Variants in L3MBTL1 observed in about 807,000 individuals in gnomAD.
L3MBTL1 encodes the protein L3MBTL histone methyl-lysine binding protein 1.
L3MBTL1 carries 75 observed loss-of-function variants against 105.3 expected under a neutral mutation model. The ratio of observed to expected loss-of-function variants is 0.71; its 90% CI spans 0.59 to 0.86. The LOEUF (loss-of-function observed/expected upper bound fraction) is 0.86, where lower values mean the gene tolerates loss of function less well. Ranked by LOEUF, L3MBTL1 falls within the 40% of genes least tolerant of loss-of-function variation. The pLI is 0.00. For missense variants in L3MBTL1, 1,069 were observed against 1,126.4 expected (o/e 0.95, Z 0.73); for synonymous variants, 452 against 436.2 (o/e 1.04, Z -0.45).
In L3MBTL1 at chr20:43,513,596, C is replaced by T. The variant is rs939628717; in HGVS notation, c.93C>T (p.Pro31=). The T allele has an allele frequency of 2.6e-6, 4 of 1,550,608 alleles. No individual in the cohort carries two copies. Among genetic ancestry groups the T allele is most frequent in the Non-Finnish European group, 3.5e-6 (4 of 1,147,004 alleles). Residue 31 remains proline (P), a synonymous_variant, in exon 2 of 22, where the codon CCC becomes CCT. Coordinates refer to ENST00000418998, the MANE Select transcript of L3MBTL1 (RefSeq NM_001377303.1). ...VSMHLVAGDS[P]GSGPHLPATA... is the part of the protein sequence containing the mutation. ...TGCACTTGGTGGCCGGAGACAGCCC[C>T]GGTTCTGGTCCTCACCTGCCCGCAA...
intron 7 of L3MBTL1, among the ~76,000 whole-genome samples, chr20:43,517,972 T>C (rs189693440): frequency 1.3e-5 from 2 of 152,340 alleles, no homozygotes; most frequent in Non-Finnish European, 2.9e-5. Flanking sequence ...TCTTAAGACT[T>C]ATGCAGAGGA....
downstream of L3MBTL1, among the ~76,000 whole-genome samples, chr20:43,543,831 C>T (rs1978394240): frequency 6.6e-6 from 1 of 152,220 alleles, no homozygotes; most frequent in Non-Finnish European, 1.5e-5. Context: ...TAAAAGTAGT[C>T]TGTCCAGTCC....
At chr20:43,516,251 G>T in intron 7 of L3MBTL1, 74 bp downstream of exon 7, 1 of 1,098,584 alleles carries the variant, frequency 9.1e-7, no homozygotes, top group Non-Finnish European at 1.4e-6. Flanking sequence ...CTGAGAATGT[G>T]GGTTATGATT....
rs961903991 is a variant in L3MBTL1, at chr20:43,541,843, A to C, written c.*715A>C. Reference sequence around the variant, plus strand: ...ATATGTAGATCCAATCACTTTACCTATACAAAATGACTGCTATGGTGGGAA... The same window carrying C: ...ATATGTAGATCCAATCACTTTACCTCTACAAAATGACTGCTATGGTGGGAA... On this transcript the variant is annotated 3_prime_UTR_variant, in exon 22 of 22. Transcript: ENST00000418998. The C allele has an allele frequency of 3.0e-6, 3 of 985,226 alleles. No individual in the cohort carries two copies. In the African/African-American group the frequency reaches 5.2e-5, roughly 17 times the overall value. The allele number at this position is 985,226 out of a possible 1,614,324, so 61.0% of individuals were successfully genotyped here.
At chr20:43,545,224 G>A (rs750922893), downstream of L3MBTL1, among the ~76,000 whole-genome samples, 5 of 151,890 alleles carry the variant, frequency 3.3e-5, no homozygotes, top group Admixed American at 1.3e-4. Flanking sequence ...AATTAGCCGG[G>A]TGTGGTGGCA....
At chr20:43,533,107 T>C (rs1300122823) in intron 12 of L3MBTL1, among the ~76,000 whole-genome samples, 183 bp downstream of exon 12, 1 of 152,220 alleles carries the variant, frequency 6.6e-6, no homozygotes, top group East Asian at 1.9e-4. Flanking sequence ...AAATGTTTCA[T>C]CTAAAAATAC....
Position 43,534,899 on chromosome 20 carries a change from C to T in L3MBTL1, c.1782C>T (p.Ala594=), listed in dbSNP as rs764005387. The T allele has an allele frequency of 3.4e-5, 55 of 1,608,940 alleles. 1 individual carries two copies. The East Asian group carries it at 3.8e-4, about 11-fold the overall frequency. Residue 594 remains alanine (A), a synonymous_variant, in exon 16 of 22, where the codon GCC becomes GCT. Transcript: ENST00000418998. ...CTGACCACCCAGACATCCACCCTGC[C>T]GGCTGGTGCTCCAAGACAGGACATC... ...IDADHPDIHP[A]GWCSKTGHPL...
intron 7 of L3MBTL1, among the ~76,000 whole-genome samples, chr20:43,522,769 G>A (rs887379016): frequency 3.4e-5 from 5 of 146,892 alleles, no homozygotes; most frequent in Admixed American, 2.8e-4. Flanking sequence ...ACTGTGCCCG[G>A]CCAACGGTGT....
chr20:43,540,580 A>C (rs958156151), intron 20 of L3MBTL1, among the ~76,000 whole-genome samples, 173 bp from the exon 21 acceptor site: 1 of 152,172 alleles, frequency 6.6e-6, no homozygotes, highest in African/African-American at 2.4e-5. Context: ...CAGGCCTCAG[A>C]AGCAAGGGGC....
intron 18 of L3MBTL1, chr20:43,547,985 T>A: frequency 2.4e-6 from 1 of 423,668 alleles, no homozygotes; most frequent in Non-Finnish European, 3.9e-6. Flanking sequence ...CTTCCCTTTC[T>A]CCCGCATATC....
chr20:43,524,381 C>G (rs1467164187), intron 7 of L3MBTL1, among the ~76,000 whole-genome samples: 2 of 151,962 alleles, frequency 1.3e-5, no homozygotes, highest in African/African-American at 4.8e-5. Flanking sequence ...TCCTATGTAC[C>G]AGATAGTGGG....
chr20:43,548,512 G>A (rs1978778144), exon 19 of L3MBTL1: 2 of 195,976 alleles, frequency 1.0e-5, no homozygotes, highest in Non-Finnish European at 2.0e-5. Context: ...CAGTTGGACT[G>A]TGGCAGCCCC....
Position 43,540,399 on chromosome 20 carries a change from C to CT in L3MBTL1, c.2331+91_2331+92insT. ...GGAAAGGCCCAGGTCAGGTAGAACC[C>CT]GGTACCACTCCTGGCACTACCTCTT... On this transcript the variant is annotated intron_variant, in intron 20 of 21. Coordinates refer to ENST00000418998, the MANE Select transcript of L3MBTL1 (RefSeq NM_001377303.1). 3 of 1,417,772 alleles carry CT rather than the reference C, an allele frequency of 2.1e-6. No individual in the cohort carries two copies. In the South Asian group the frequency reaches 3.7e-5, roughly 18 times the overall value. The allele number at this position is 1,417,772 out of a possible 1,614,324, so 87.8% of individuals were successfully genotyped here. A position where few individuals can be genotyped will look rare whatever the true frequency, so the allele number is the denominator to read the frequency against.
At chr20:43,548,505 T>C (rs1978777490) in exon 19 of L3MBTL1, 1 of 217,048 alleles carries the variant, frequency 4.6e-6, no homozygotes. Flanking sequence ...ATGGAGTCAG[T>C]TGGACTGTGG....
At chr20:43,510,139 G>A (rs1266125931) in intron 1 of L3MBTL1, among the ~76,000 whole-genome samples, 1 of 152,132 alleles carries the variant, frequency 6.6e-6, no homozygotes, top group African/African-American at 2.4e-5. Flanking sequence ...ACAGGTGTGA[G>A]CCACCACGCA....
At chr20:43,530,246 C>G in intron 9 of L3MBTL1, 38 bp from the exon 10 acceptor site, 1 of 1,613,172 alleles carries the variant, frequency 6.2e-7, no homozygotes, top group Non-Finnish European at 8.5e-7. Context: ...TGGGGCATCT[C>G]CTGACATTGG....
chr20:43,516,157 AG>A lies in L3MBTL1; in HGVS notation c.843del (p.Glu281AspfsTer22), dbSNP rs1203811710. On this transcript the variant is annotated frameshift_variant, in exon 7 of 22. Transcript: ENST00000418998. LOFTEE classifies it high-confidence loss of function. ...ACTGCTAGCACCCCAGAGAGTGAGG[AG>A]TGGAGCAGCAGCCAGCCTGGTACGG... Reference protein sequence around the residue: ...QPTASTPESEEWSSSQPATGE... With the variant: ...QPTASTPESEXWSSSQPATGE... 1.2e-6 allele frequency: 2 copies of A among 1,613,996 alleles called. No individual in the cohort carries two copies. Among genetic ancestry groups the A allele is most frequent in the Non-Finnish European group, 1.7e-6 (2 of 1,179,922 alleles).
Position 43,515,109 on chromosome 20 carries a change from T to TCCC in L3MBTL1, c.605_606insCCC (p.Pro202dup). 1 of 1,614,096 alleles carries TCCC rather than the reference T, an allele frequency of 6.2e-7. No homozygotes were observed. Among genetic ancestry groups the TCCC allele is most frequent in the Non-Finnish European group, 8.5e-7 (1 of 1,179,972 alleles). ...CGTGCGGGCCTCACCAAGCCGCGGG[T>TCCC]CCAGATCTTGGTTCCTCTAATGATG... On this transcript the variant is annotated inframe_insertion, in exon 5 of 22. Transcript: ENST00000418998.
chr20:43,542,235 G>T (rs1269616229), downstream of L3MBTL1, among the ~76,000 whole-genome samples: 2 of 152,172 alleles, frequency 1.3e-5, no homozygotes, highest in Admixed American at 1.3e-4. Flanking sequence ...AAAGTAGTTG[G>T]CTCTTCTTGC....
Sources: allele counts gnomAD v4.1 joint callset (sites outside exome capture counted in the v4.1 genomes callset), GRCh38; gene constraint gnomAD v4.1.1; transcripts MANE v1.5; gene names NCBI Gene and HGNC (gene_info 2026-07-23, HGNC 2026-07-21).